Variants in NOVA1 observed in about 807,000 individuals in gnomAD.
The protein encoded by NOVA1 is NOVA alternative splicing regulator 1.
NOVA1 carries 7 observed loss-of-function variants against 38.0 expected under a neutral mutation model. That is an observed-to-expected ratio of 0.18 (90% CI 0.10 to 0.35). The LOEUF (loss-of-function observed/expected upper bound fraction) is 0.35, where lower values mean the gene tolerates loss of function less well. NOVA1 is among the 10% of genes least tolerant of loss of function. The pLI is 1.00. For synonymous variants in NOVA1, 270 were observed against 232.5 expected (o/e 1.16, Z -1.47); for missense variants, 460 against 616.0 (o/e 0.75, Z 2.68).
chr14:26,474,245 G>A (rs1447641232), intron 3 of NOVA1, among the ~76,000 whole-genome samples: 2 of 151,882 alleles, frequency 1.3e-5, no homozygotes, highest in Admixed American at 6.6e-5. Context: ...ACAGAAGCAC[G>A]ATTCTATGTG....
intron 2 of NOVA1, among the ~76,000 whole-genome samples, chr14:26,488,750 T>C (rs1362471219): frequency 1.3e-5 from 2 of 152,168 alleles, no homozygotes; most frequent in Non-Finnish European, 1.5e-5. Context: ...ATTTTATATG[T>C]ACATAATAAA....
chr14:26,591,754 C>CA (rs1893856624), intron 2 of NOVA1, among the ~76,000 whole-genome samples: 2 of 151,214 alleles, frequency 1.3e-5, no homozygotes, highest in South Asian at 2.1e-4. Flanking sequence ...TCCTTCCCTA[C>CA]AAAAAAATTT....
chr14:26,494,670 T>C (rs1886623457), intron 2 of NOVA1, among the ~76,000 whole-genome samples: 2 of 152,218 alleles, frequency 1.3e-5, no homozygotes, highest in Admixed American at 1.3e-4. Flanking sequence ...CCCAGGATGA[T>C]GTTCATTTAG....
chr14:26,597,224 A>C (rs1281057548), intron 1 of NOVA1, 77 bp downstream of exon 1: 1 of 919,188 alleles, frequency 1.1e-6, no homozygotes, highest in African/African-American at 3.2e-5. Context: ...GGAAGGAGGG[A>C]GGGAGGACGG....
At chr14:26,471,432 C>A (rs985068498) in intron 4 of NOVA1, among the ~76,000 whole-genome samples, 60 of 150,482 alleles carry the variant, frequency 4.0e-4, no homozygotes, top group Admixed American at 1.2e-3. Context: ...TTTAAATAAC[C>A]CCATAAAGCC....
chr14:26,527,066 G>A (rs991861523), intron 2 of NOVA1, among the ~76,000 whole-genome samples: 2 of 98,370 alleles, frequency 2.0e-5, no homozygotes, highest in Non-Finnish European at 4.5e-5. Flanking sequence ...CTGGGCCACT[G>A]CAGCTGTGTG....
intron 2 of NOVA1, among the ~76,000 whole-genome samples, chr14:26,491,015 A>C (rs1403276061): frequency 4.0e-5 from 6 of 151,672 alleles, no homozygotes; most frequent in Non-Finnish European, 1.5e-5. Flanking sequence ...ACGCCCGGAT[A>C]ATTTTTTTGT....
chr14:26,597,232 CGGCGAGGGAGGGA>C, intron 1 of NOVA1, 56 bp downstream of exon 1: 3 of 871,818 alleles, frequency 3.4e-6, no homozygotes, highest in Non-Finnish European at 4.1e-6. Context: ...GGAGGGAGGA[CGGCGAGGGAGGGA>C]GGCAGGGGCG....
intron 4 of NOVA1, among the ~76,000 whole-genome samples, chr14:26,461,960 A>T (rs1883716274): frequency 6.6e-6 from 1 of 151,604 alleles, no homozygotes. Context: ...AAACAAAAAC[A>T]TCCCACAAAA....
intron 2 of NOVA1, among the ~76,000 whole-genome samples, chr14:26,515,365 A>G (rs373156117): frequency 6.6e-6 from 1 of 152,022 alleles, no homozygotes; most frequent in Non-Finnish European, 1.5e-5. Flanking sequence ...AAATTTTCTA[A>G]AACACTTATT....
intron 2 of NOVA1, among the ~76,000 whole-genome samples, chr14:26,518,733 A>C (rs947926688): frequency 6.6e-6 from 1 of 152,064 alleles, no homozygotes; most frequent in Non-Finnish European, 1.5e-5. Flanking sequence ...GCAATAGAAC[A>C]CCAGAACTTA....
At chr14:26,576,632 C>G (rs536490780) in intron 2 of NOVA1, among the ~76,000 whole-genome samples, 11 of 151,616 alleles carry the variant, frequency 7.3e-5, no homozygotes, top group Non-Finnish European at 1.2e-4. Flanking sequence ...CACATACCAC[C>G]TGATAAGGTA....
rs1015889491 is a variant in NOVA1 at position 26,585,458 on chromosome 14, T to C, written c.280+9952A>G. ...TCACATGTTAACTTCCCCACTATAG[T>C]TGGGGAAGAAGATATTAAAATATAT... On this transcript the variant is annotated intron_variant, in intron 2 of 4. Transcript: ENST00000539517. 4.6e-5 allele frequency among the ~76,000 whole-genome samples: 7 copies of C among 151,132 alleles called. No individual in the cohort carries two copies. In the East Asian group the frequency reaches 5.8e-4, roughly 13 times the overall value.
chr14:26,462,764 G>A (rs1023677313), intron 4 of NOVA1, among the ~76,000 whole-genome samples: 4 of 151,998 alleles, frequency 2.6e-5, no homozygotes, highest in South Asian at 4.1e-4. Context: ...AAATCAAGAC[G>A]CCAAGTAGCT....
intron 2 of NOVA1, among the ~76,000 whole-genome samples, chr14:26,577,671 G>T (rs1680979904): frequency 6.6e-6 from 1 of 152,072 alleles, no homozygotes. Flanking sequence ...AAGAGAGAAG[G>T]TAAAGATGAC....
chr14:26,455,388 T>C (rs999656034), intron 4 of NOVA1, among the ~76,000 whole-genome samples: 1 of 152,104 alleles, frequency 6.6e-6, no homozygotes. Context: ...ATACGTGGTC[T>C]TACCCTGGCT....
At position 26,597,748 on chromosome 14, in the gene NOVA1, G is replaced by A; in HGVS notation, c.-312C>T. 1 of 1,017,920 alleles carries A rather than the reference G, an allele frequency of 9.8e-7. No homozygotes were observed. The highest frequency in any genetic ancestry group is 1.2e-6 in the Non-Finnish European group (1 of 843,198). 63.1% of individuals were successfully genotyped at this position (1,017,920 alleles called of 1,614,324 possible). A position where few individuals can be genotyped will look rare whatever the true frequency, so the allele number is the denominator to read the frequency against. On this transcript the variant is annotated 5_prime_UTR_variant, in exon 1 of 5. Coordinates refer to ENST00000539517, the MANE Select transcript of NOVA1 (RefSeq NM_002515.3). ...GGAGACAGGGGGAGAGAGTGGAGAAGGGAGAGGGGCGAGTGAATGAGCGGG... is the reference window on the plus strand; with the variant it reads ...GGAGACAGGGGGAGAGAGTGGAGAAAGGAGAGGGGCGAGTGAATGAGCGGG...
At chr14:26,594,205 T>A (rs924531173) in intron 2 of NOVA1, 1 of 152,002 alleles carries the variant, frequency 6.6e-6, no homozygotes, top group Non-Finnish European at 1.5e-5. Context: ...TTTAGTTTAA[T>A]AAGTTTAATG....
intron 2 of NOVA1, among the ~76,000 whole-genome samples, chr14:26,588,767 A>C (rs1049361727): frequency 1.3e-5 from 2 of 151,570 alleles, no homozygotes; most frequent in African/African-American, 4.8e-5. Flanking sequence ...ATCATGTCAA[A>C]AGAGAATAAA....
Sources: gnomAD v4.1 joint callset for allele counts (sites outside exome capture counted in the v4.1 genomes callset) on GRCh38, gnomAD v4.1.1 for gene constraint, MANE v1.5 for transcripts, NCBI Gene and HGNC (gene_info 2026-07-23, HGNC 2026-07-21) for gene names.